The following LAMB4 variants were observed in gnomAD, a reference collection of about 807,000 sequenced individuals.
LAMB4 encodes laminin subunit beta-4.
In LAMB4, 196 loss-of-function variants were observed where a neutral mutation model predicts 199.2. That is an observed-to-expected ratio of 0.98 (90% CI 0.88 to 1.11). The LOEUF (loss-of-function observed/expected upper bound fraction) is 1.11, where lower values mean the gene tolerates loss of function less well. LAMB4 is among the 50% of genes least tolerant of loss of function. LAMB4 has a pLI of 0.00. For synonymous variants in LAMB4, 744 were observed against 770.6 expected (o/e 0.97, Z 0.57); for missense variants, 2,080 against 2,171.2 (o/e 0.96, Z 0.83).
chr7:108,097,617 C>G (rs1430813706), intron 11 of LAMB4, among the ~76,000 whole-genome samples: 3 of 152,198 alleles, frequency 2.0e-5, no homozygotes, highest in Admixed American at 1.3e-4. Context: ...AACCCCGTCT[C>G]TACTAAAAAT....
chr7:108,114,084 G>A (rs73197625), intron 3 of LAMB4, among the ~76,000 whole-genome samples: 4,800 of 152,224 alleles, frequency 0.032, 200 homozygotes, highest in East Asian at 0.19. Flanking sequence ...GAGTATGTTG[G>A]CTCAGGCAAC....
intron 17 of LAMB4, among the ~76,000 whole-genome samples, chr7:108,074,707 T>C (rs1211968625): frequency 2.0e-5 from 3 of 152,176 alleles, no homozygotes; most frequent in Non-Finnish European, 4.4e-5. Context: ...AATTATTTAC[T>C]TATTGCATCT....
intron 4 of LAMB4, 73 bp from the exon 5 acceptor site, chr7:108,109,317 G>A: frequency 9.2e-7 from 1 of 1,083,482 alleles, no homozygotes; most frequent in Non-Finnish European, 1.4e-6. Flanking sequence ...ATTCCCCATT[G>A]TGGCTTATCT....
intron 33 of LAMB4, among the ~76,000 whole-genome samples, chr7:108,027,113 A>C (rs2034865915): frequency 6.6e-6 from 1 of 152,112 alleles, no homozygotes; most frequent in African/African-American, 2.4e-5. Flanking sequence ...CCATGTTTTT[A>C]CTCCTAGAGT....
intron 21 of LAMB4, among the ~76,000 whole-genome samples, chr7:108,064,500 G>C (rs1454193887): frequency 6.6e-6 from 1 of 152,222 alleles, no homozygotes. Context: ...CTGTTAAGCA[G>C]TCTGAAGGAA....
At chr7:108,086,676 AGAAGAAGTTTTCCCAAT>A (rs1280834353) in intron 14 of LAMB4, among the ~76,000 whole-genome samples, 1 of 151,972 alleles carries the variant, frequency 6.6e-6, no homozygotes, top group Non-Finnish European at 1.5e-5. Context: ...TTAAGGGATG[AGAAGAAGTTTTCCCAAT>A]GAATAACACA....
chr7:108,027,940 G>A (rs534389261), intron 33 of LAMB4, among the ~76,000 whole-genome samples: 1 of 151,978 alleles, frequency 6.6e-6, no homozygotes, highest in Non-Finnish European at 1.5e-5. Flanking sequence ...GTGCCACCAC[G>A]CCTGGCTAAT....
intron 2 of LAMB4, among the ~76,000 whole-genome samples, chr7:108,121,750 T>TAAA (rs36039113): frequency 1.4e-4 from 19 of 138,286 alleles, no homozygotes; most frequent in South Asian, 2.3e-4. Context: ...AACTCTGTCT[T>TAAA]AAAAAAAAAA....
chr7:108,122,754 GA>G (rs1224226832), intron 2 of LAMB4, among the ~76,000 whole-genome samples: 2 of 152,208 alleles, frequency 1.3e-5, no homozygotes, highest in Non-Finnish European at 2.9e-5. Flanking sequence ...TGCTTACTTA[GA>G]AGAGGGAATT....
rs1055979313 is a variant in LAMB4 at position 108,078,523 on chromosome 7, G to C, written c.1888-207C>G. On this transcript the variant is annotated intron_variant, in intron 15 of 33. Transcript: ENST00000388781. ...CTGAATTGTGATCCAGGCAGAAAAA[G>C]CATTGTTTCTCATGGGCTCATGAGC... Among the ~76,000 whole-genome samples, 5 of 152,202 alleles carry C rather than the reference G, an allele frequency of 3.3e-5. No homozygotes were observed. The East Asian group carries it at 9.6e-4, about 29-fold the overall frequency.
At chr7:108,060,114 C>T (rs1433888591) in intron 23 of LAMB4, among the ~76,000 whole-genome samples, 1 of 152,210 alleles carries the variant, frequency 6.6e-6, no homozygotes, top group Non-Finnish European at 1.5e-5. Flanking sequence ...CCCCGTACTC[C>T]AGTGAACATG....
At chr7:108,128,055 C>G (rs541756435) in intron 1 of LAMB4, among the ~76,000 whole-genome samples, 1 of 152,082 alleles carries the variant, frequency 6.6e-6, no homozygotes, top group Non-Finnish European at 1.5e-5. Flanking sequence ...CTGGCCCATT[C>G]TATGGAACAC....
At chr7:108,020,228 CTTTGGGAGGCTGAGG>C (rs1276961824), downstream of LAMB4, among the ~76,000 whole-genome samples, 1 of 152,064 alleles carries the variant, frequency 6.6e-6, no homozygotes, top group Non-Finnish European at 1.5e-5. Flanking sequence ...AATCCCAGCA[CTTTGGGAGGCTGAGG>C]TGGGCAGATC....
intron 14 of LAMB4, among the ~76,000 whole-genome samples, chr7:108,084,376 C>A (rs1441584262): frequency 6.6e-6 from 1 of 151,862 alleles, no homozygotes. Context: ...CTAGGAGCAC[C>A]CCCAACCCCC....
chr7:108,033,065 T>C (rs2035097035), intron 31 of LAMB4, among the ~76,000 whole-genome samples: 1 of 152,200 alleles, frequency 6.6e-6, no homozygotes, highest in African/African-American at 2.4e-5. Context: ...AAGAGATTGG[T>C]TCACCATATT....
chr7:108,115,038 A>G (rs1488556513), intron 3 of LAMB4, among the ~76,000 whole-genome samples: 1 of 152,216 alleles, frequency 6.6e-6, no homozygotes, highest in Non-Finnish European at 1.5e-5. Context: ...AGGCAGAGCA[A>G]TGAGGACTCA....
At chr7:108,049,760 G>T (rs1345294173) in intron 26 of LAMB4, among the ~76,000 whole-genome samples, 1 of 152,112 alleles carries the variant, frequency 6.6e-6, no homozygotes, top group Non-Finnish European at 1.5e-5. Flanking sequence ...CCACAGATGT[G>T]GTGTGAGTCC....
chr7:108,072,734 CAG>C lies in LAMB4; in HGVS notation c.2125-2851_2125-2850del, dbSNP rs1247921389. On this transcript the variant is annotated intron_variant, in intron 17 of 33. Coordinates refer to ENST00000388781, the MANE Select transcript of LAMB4 (RefSeq NM_007356.3). The stretch of plus-strand genomic sequence containing the variant: ...GTCTTGTTTACACCTATGCCTACCA[CAG>C]TGTCTAATTTATAGTAGGCGCTTCA... 1.1e-4 allele frequency among the ~76,000 whole-genome samples: 16 copies of C among 152,232 alleles called. No individual in the cohort carries two copies. In the East Asian group the frequency reaches 3.1e-3, roughly 29 times the overall value.
intron 30 of LAMB4, among the ~76,000 whole-genome samples, chr7:108,036,892 T>TGAAAA (rs1265980930): frequency 2.7e-5 from 4 of 146,454 alleles, no homozygotes; most frequent in African/African-American, 1.0e-4. Context: ...GCCATTATTT[T>TGAAAA]CAATGGCAAA....
Sources: gnomAD v4.1 joint callset for allele counts (sites outside exome capture counted in the v4.1 genomes callset) on GRCh38, gnomAD v4.1.1 for gene constraint, MANE v1.5 for transcripts, NCBI Gene and HGNC (gene_info 2026-07-23, HGNC 2026-07-21) for gene names.